The following HDAC9 variants were observed in gnomAD, a reference collection of about 807,000 sequenced individuals.
HDAC9 encodes MEF-2 interacting transcription repressor (MITR) protein.
Under a neutral mutation model 139.4 loss-of-function variants are expected in HDAC9, and 41 were observed. That is an observed-to-expected ratio of 0.29 (90% CI 0.23 to 0.38). HDAC9 has a LOEUF of 0.38. HDAC9 is among the 10% of genes least tolerant of loss of function. The pLI is 1.00. For synonymous variants in HDAC9, 517 were observed against 476.2 expected (o/e 1.09, Z -1.12); for missense variants, 1,147 against 1,297.0 (o/e 0.88, Z 1.78).
intron 1 of HDAC9, among the ~76,000 whole-genome samples, chr7:18,471,680 A>C (rs1794735654): frequency 6.6e-6 from 1 of 152,158 alleles, no homozygotes. Flanking sequence ...GCCTGTGCAC[A>C]TGCTGTTCTG....
intron 1 of HDAC9, among the ~76,000 whole-genome samples, chr7:18,092,399 C>CT (rs112517048): frequency 0.026 from 3,611 of 140,870 alleles, 130 homozygotes; most frequent in African/African-American, 0.081. Context: ...TTCTTTCTTT[C>CT]TTTTTTTTTT....
rs1265491149 is a variant in HDAC9 at position 18,590,401 on chromosome 7, G to T, written c.330G>T (p.Glu110Asp). 4.3e-6 allele frequency: 7 copies of T among 1,610,306 alleles called. No homozygotes were observed. Among genetic ancestry groups the T allele is most frequent in the Non-Finnish European group, 5.9e-6 (7 of 1,178,198 alleles). Residue 110 changes from glutamate (E) to aspartate (D), a missense_variant, in exon 4 of 26, where the codon GAG becomes GAT. Physicochemically the swap from Glu to Asp is conservative, Grantham distance 45. Coordinates refer to ENST00000686413, the MANE Select transcript of HDAC9 (RefSeq NM_178425.4). ...TCCTAGAAAAGGAGCAGAAACTGGA[G>T]CAGCAGAGGCAAGAACAGGAAGTAG... is the stretch of plus-strand genomic sequence containing the variant. ...QELLEKEQKL[E>D]QQRQEQEVER...
intron 1 of HDAC9, among the ~76,000 whole-genome samples, chr7:18,122,253 G>A (rs1455130527): frequency 1.3e-5 from 2 of 152,168 alleles, no homozygotes; most frequent in Non-Finnish European, 2.9e-5. Context: ...AACTCTGGTT[G>A]TCAGTTATGT....
At chr7:18,615,971 GACTCTGGGA>G (rs1838468663) in intron 6 of HDAC9, among the ~76,000 whole-genome samples, 1 of 152,140 alleles carries the variant, frequency 6.6e-6, no homozygotes, top group Non-Finnish European at 1.5e-5. Flanking sequence ...CTTTTCTGGG[GACTCTGGGA>G]ATGAATCCCT....
chr7:18,303,424 T>TGTGTGTGTGTGTGTG (rs1562856317), intron 1 of HDAC9, among the ~76,000 whole-genome samples: 6 of 110,594 alleles, frequency 5.4e-5, no homozygotes, highest in Admixed American at 8.1e-5. Context: ...TGTGTGTGTG[T>TGTGTGTGTGTGTGTG]TTTTAGTAGA....
At chr7:18,918,880 G>C (rs1487270272) in intron 22 of HDAC9, among the ~76,000 whole-genome samples, 1 of 151,984 alleles carries the variant, frequency 6.6e-6, no homozygotes, top group Non-Finnish European at 1.5e-5. Context: ...CAATTGTTTT[G>C]TGTTGAGAAT....
Position 18,969,678 on chromosome 7 carries a change from G to GA in HDAC9, c.3023-6119dup, listed in dbSNP as rs922656653. Among the ~76,000 whole-genome samples, 148 of 150,526 alleles carry GA rather than the reference G, an allele frequency of 9.8e-4. 1 individual carries two copies. The highest frequency in any genetic ancestry group is 7.2e-3 in the East Asian group (37 of 5,142). ...AAACCATGCAAATTGACATTTTAGAGAAAAAAAAATACAGCATTTGATATT... is the reference window on the plus strand; with the variant it reads ...AAACCATGCAAATTGACATTTTAGAGAAAAAAAAAATACAGCATTTGATATT... On this transcript the variant is annotated intron_variant, in intron 24 of 25. Transcript: ENST00000686413.
chr7:18,923,920 T>C (rs1309150192), intron 22 of HDAC9, among the ~76,000 whole-genome samples: 1 of 152,136 alleles, frequency 6.6e-6, no homozygotes, highest in Non-Finnish European at 1.5e-5. Flanking sequence ...GGAGGCAGTC[T>C]TTATTTTCTT....
chr7:18,127,520 C>G (rs1024770311), intron 1 of HDAC9, among the ~76,000 whole-genome samples: 1 of 152,060 alleles, frequency 6.6e-6, no homozygotes, highest in Non-Finnish European at 1.5e-5. Flanking sequence ...TTTACCTGCT[C>G]AGGTAAACTT....
chr7:18,906,218 C>T (rs1446313061), intron 22 of HDAC9, among the ~76,000 whole-genome samples: 7 of 151,958 alleles, frequency 4.6e-5, no homozygotes. Flanking sequence ...TCTCAACTCA[C>T]TGTAACCTAG....
At chr7:18,624,569 T>C (rs994410398) in intron 6 of HDAC9, among the ~76,000 whole-genome samples, 3 of 152,044 alleles carry the variant, frequency 2.0e-5, no homozygotes, top group African/African-American at 7.2e-5. Context: ...TGAAATACAT[T>C]CATATACAAG....
intron 12 of HDAC9, 144 bp from the exon 13 acceptor site, chr7:18,727,436 C>A: frequency 1.5e-6 from 1 of 678,570 alleles, no homozygotes; most frequent in Non-Finnish European, 2.4e-6. Context: ...TTTTCTCTCC[C>A]TTTCTCTATT....
intron 2 of HDAC9, among the ~76,000 whole-genome samples, chr7:18,514,933 A>G (rs1417470013): frequency 6.6e-6 from 1 of 152,158 alleles, no homozygotes; most frequent in Non-Finnish European, 1.5e-5. Flanking sequence ...GATGACACAT[A>G]AGACCCTGTC....
intron 2 of HDAC9, among the ~76,000 whole-genome samples, chr7:18,551,186 G>A (rs1394922085): frequency 1.3e-5 from 2 of 152,138 alleles, no homozygotes; most frequent in African/African-American, 4.8e-5. Flanking sequence ...CAACCAATAT[G>A]GAGAAGATGG....
rs1396395798 is a variant in HDAC9, at chr7:19,000,966, G to C, written c.*4904G>C. 1 of 152,026 alleles carries C rather than the reference G, an allele frequency of 6.6e-6. No homozygotes were observed. The highest frequency in any genetic ancestry group is 1.5e-5 in the Non-Finnish European group (1 of 67,988). The allele number at this position is 152,026 out of a possible 1,614,324, so 9.4% of individuals were successfully genotyped here. A position where few individuals can be genotyped will look rare whatever the true frequency, so the allele number is the denominator to read the frequency against. ...CATTTTGATAGATACTCTGTCTTTTGTTTTTTATCTCTTCTCTTTTCAAGA... is the reference window on the plus strand; with the variant it reads ...CATTTTGATAGATACTCTGTCTTTTCTTTTTTATCTCTTCTCTTTTCAAGA... On this transcript the variant is annotated 3_prime_UTR_variant, in exon 26 of 26. Coordinates refer to ENST00000686413, the MANE Select transcript of HDAC9 (RefSeq NM_178425.4).
intron 2 of HDAC9, among the ~76,000 whole-genome samples, chr7:18,559,915 C>G (rs1266915916): frequency 2.0e-5 from 3 of 152,116 alleles, no homozygotes; most frequent in African/African-American, 7.2e-5. Context: ...AAATGTGAGT[C>G]AAATTGACCC....
At chr7:18,094,816 A>G (rs777041091) in intron 1 of HDAC9, among the ~76,000 whole-genome samples, 5 of 152,122 alleles carry the variant, frequency 3.3e-5, no homozygotes, top group African/African-American at 4.8e-5. Context: ...AAGGATTTCA[A>G]TCCTAAACTT....
intron 22 of HDAC9, among the ~76,000 whole-genome samples, chr7:18,894,969 C>G (rs764683707): frequency 6.6e-6 from 1 of 151,968 alleles, no homozygotes; most frequent in Non-Finnish European, 1.5e-5. Flanking sequence ...GTGCTTCTGA[C>G]TTTTTTCTCA....
At chr7:18,328,091 G>C (rs1035062842) in intron 1 of HDAC9, among the ~76,000 whole-genome samples, 1 of 151,924 alleles carries the variant, frequency 6.6e-6, no homozygotes, top group Non-Finnish European at 1.5e-5. Flanking sequence ...TTTTTTTGGA[G>C]TTCATTACAA....
Sources: allele counts gnomAD v4.1 joint callset (sites outside exome capture counted in the v4.1 genomes callset), GRCh38; gene constraint gnomAD v4.1.1; transcripts MANE v1.5; gene names NCBI Gene and HGNC (gene_info 2026-07-23, HGNC 2026-07-21).